The following ANO5 variants were observed in gnomAD, a reference collection of about 807,000 sequenced individuals.
The protein encoded by ANO5 is anoctamin-5.
Under a neutral mutation model 121.0 loss-of-function variants are expected in ANO5, and 109 were observed. That is an observed-to-expected ratio of 0.90 (90% CI 0.77 to 1.06). ANO5 has a LOEUF of 1.06. ANO5 is among the 50% of genes least tolerant of loss of function. The pLI is 0.00. For missense variants in ANO5, 1,064 were observed against 1,078.5 expected (o/e 0.99, Z 0.19); for synonymous variants, 406 against 359.9 (o/e 1.13, Z -1.45).
At chr11:22,218,828 G>T (rs1468026340) in intron 4 of ANO5, among the ~76,000 whole-genome samples, 2 of 152,034 alleles carry the variant, frequency 1.3e-5, no homozygotes, top group African/African-American at 4.8e-5. Flanking sequence ...CTCTCAAAGT[G>T]CTGGGATTAC....
At chr11:22,263,245 C>T (rs987441680) in intron 17 of ANO5, among the ~76,000 whole-genome samples, 6 of 151,882 alleles carry the variant, frequency 4.0e-5, no homozygotes, top group African/African-American at 1.4e-4. Context: ...ATTTTGGTTC[C>T]ATGGCTAGCA....
intron 13 of ANO5, among the ~76,000 whole-genome samples, chr11:22,255,912 G>T (rs555379073): frequency 2.0e-5 from 3 of 152,276 alleles, no homozygotes; most frequent in Admixed American, 2.0e-4. Flanking sequence ...TAATGTGTAT[G>T]CTGTGGGCTT....
At chr11:22,261,907 A>G (rs1854198752) in intron 15 of ANO5, among the ~76,000 whole-genome samples, 1 of 152,318 alleles carries the variant, frequency 6.6e-6, no homozygotes. Flanking sequence ...TGTGGTAACA[A>G]TAGCTTCCTA....
chr11:22,230,808 C>G (rs955860160), intron 7 of ANO5, among the ~76,000 whole-genome samples: 5 of 151,964 alleles, frequency 3.3e-5, no homozygotes, highest in East Asian at 1.9e-4. Flanking sequence ...ACTACCTCTC[C>G]TTTACCACCC....
intron 12 of ANO5, 147 bp downstream of exon 12, chr11:22,251,158 G>C: frequency 1.2e-6 from 1 of 810,104 alleles, no homozygotes; most frequent in East Asian, 2.7e-5. Context: ...TACTGATGGA[G>C]TGCATATTAG....
At chr11:22,221,316 T>C in intron 5 of ANO5, 106 bp downstream of exon 5, 1 of 994,164 alleles carries the variant, frequency 1.0e-6, no homozygotes, top group Admixed American at 2.1e-5. Context: ...GGCCCTGAAG[T>C]GTTACTGAAA....
intron 2 of ANO5, among the ~76,000 whole-genome samples, chr11:22,207,233 T>G (rs1017363667): frequency 2.0e-5 from 3 of 152,016 alleles, no homozygotes; most frequent in South Asian, 2.1e-4. Flanking sequence ...GTAGAAGAGA[T>G]AAAATGATTG....
intron 9 of ANO5, among the ~76,000 whole-genome samples, chr11:22,247,621 C>G (rs924086117): frequency 1.4e-4 from 21 of 152,190 alleles, no homozygotes; most frequent in Middle Eastern, 3.4e-3. Context: ...GAAAGAGATA[C>G]AGTTTATAGG....
rs775059978 is a variant in ANO5 at position 22,270,374 on chromosome 11, G to A, written c.1961G>A (p.Arg654Gln). ...ACAAACTCTGAGAAGCTGTATAGTC[G>A]ATGGGAGCAGGATCATGACCTTGAA... ...ARTNSEKLYS[R>Q]WEQDHDLESF... Residue 654 changes from arginine (R) to glutamine (Q), a missense_variant, in exon 18 of 22, where the codon CGA (arginine) becomes CAA (glutamine). Arg to Gln is a conservative substitution (Grantham distance 43). Coordinates refer to ENST00000324559, the MANE Select transcript of ANO5 (RefSeq NM_213599.3). The A allele has an allele frequency of 3.1e-6, 5 of 1,614,034 alleles. No individual in the cohort carries two copies. The highest frequency in any genetic ancestry group is 1.1e-5 in the South Asian group (1 of 91,088).
At chr11:22,275,962 G>T in intron 20 of ANO5, 132 bp from the exon 21 acceptor site, 1 of 664,396 alleles carries the variant, frequency 1.5e-6, no homozygotes, top group Non-Finnish European at 2.6e-6. Context: ...CATAATATCA[G>T]TTAACTTTGA....
chr11:22,272,304 A>G (rs1487704178), intron 18 of ANO5, among the ~76,000 whole-genome samples: 3 of 76,194 alleles, frequency 3.9e-5, no homozygotes, highest in South Asian at 3.1e-4. Context: ...CTTTTCCGGC[A>G]CACACACACA....
chr11:22,233,461 G>A (rs1240343991), intron 7 of ANO5, among the ~76,000 whole-genome samples: 2 of 151,700 alleles, frequency 1.3e-5, no homozygotes, highest in African/African-American at 2.4e-5. Flanking sequence ...GACATTTTTT[G>A]TAAGTGATCA....
At chr11:22,245,495 C>A (rs1489560189) in intron 9 of ANO5, among the ~76,000 whole-genome samples, 1 of 151,852 alleles carries the variant, frequency 6.6e-6, no homozygotes, top group African/African-American at 2.4e-5. Context: ...TTTTATATTT[C>A]TGGGGTTTTC....
intron 4 of ANO5, 54 bp downstream of exon 4, chr11:22,218,341 C>A: frequency 6.2e-7 from 1 of 1,600,618 alleles, no homozygotes; most frequent in African/African-American, 1.3e-5. Flanking sequence ...GCAGTGGTAG[C>A]CTTAGTTATT....
chr11:22,220,166 C>G (rs1001941404), intron 4 of ANO5, among the ~76,000 whole-genome samples: 1 of 151,932 alleles, frequency 6.6e-6, no homozygotes, highest in Non-Finnish European at 1.5e-5. Flanking sequence ...AATAGAAACA[C>G]TAGTTGTGAA....
At chr11:22,240,808 CAT>C (rs753421577) in intron 9 of ANO5, among the ~76,000 whole-genome samples, 3 of 151,402 alleles carry the variant, frequency 2.0e-5, no homozygotes, top group Admixed American at 6.6e-5. Flanking sequence ...AAAGCAGAAA[CAT>C]TTTTTTTTCT....
intron 7 of ANO5, among the ~76,000 whole-genome samples, chr11:22,234,556 A>G (rs1378772872): frequency 1.3e-5 from 2 of 152,124 alleles, no homozygotes; most frequent in Non-Finnish European, 2.9e-5. Flanking sequence ...ACATGTTATA[A>G]CAAGTTAGTA....
At chr11:22,233,385 T>G (rs1489788972) in intron 7 of ANO5, among the ~76,000 whole-genome samples, 1 of 152,012 alleles carries the variant, frequency 6.6e-6, no homozygotes, top group African/African-American at 2.4e-5. Context: ...CAAAATTTTC[T>G]GGAAAAACAG....
intron 4 of ANO5, 67 bp from the exon 5 acceptor site, chr11:22,221,030 C>A: frequency 8.7e-7 from 1 of 1,149,566 alleles, no homozygotes; most frequent in East Asian, 2.5e-5. Context: ...TAAATAATTC[C>A]TTTTGTGCTT....
Sources: gnomAD v4.1 joint callset for allele counts (sites outside exome capture counted in the v4.1 genomes callset) on GRCh38, gnomAD v4.1.1 for gene constraint, MANE v1.5 for transcripts, NCBI Gene and HGNC (gene_info 2026-07-23, HGNC 2026-07-21) for gene names.